Variants in USP6NL observed in about 807,000 individuals in gnomAD.
USP6NL encodes USP6 N-terminal-like protein.
A neutral mutation model predicts 61.9 loss-of-function variants in USP6NL; 26 were observed. The ratio of observed to expected loss-of-function variants is 0.42; its 90% confidence interval spans 0.31 to 0.58. The LOEUF (loss-of-function observed/expected upper bound fraction) is 0.58. USP6NL is among the 20% of genes least tolerant of loss of function. USP6NL has a pLI of 0.16. For missense variants in USP6NL, 1,114 were observed against 1,034.3 expected (o/e 1.08, Z -1.06); for synonymous variants, 432 against 390.1 (o/e 1.11, Z -1.27).
At position 11,470,767 on chromosome 10, in the gene USP6NL, G is replaced by C. The variant is rs1194315413; in HGVS notation, c.1079-6918C>G. ...ACAGAAAACTATATATAGGCAATAA[G>C]CATTCCTATTTATTATCCACGCTTG... On this transcript the variant is annotated intron_variant, in intron 14 of 14. Transcript: ENST00000609104. The surrounding 1 kb of genome is among the most constrained non-coding windows in gnomAD (Gnocchi z 5.4). Among the ~76,000 whole-genome samples the C allele has an allele frequency of 6.6e-6, 1 of 152,178 alleles. No homozygotes were observed. Among genetic ancestry groups the C allele is most frequent in the Non-Finnish European group, 1.5e-5 (1 of 68,026 alleles).
rs1832698647 is a variant in USP6NL at position 11,470,617 on chromosome 10, T to A, written c.1079-6768A>T. Among the ~76,000 whole-genome samples the A allele has an allele frequency of 2.0e-5, 3 of 152,224 alleles. No individual in the cohort carries two copies. Among genetic ancestry groups the A allele is most frequent in the Admixed American group, 2.0e-4 (3 of 15,288 alleles). Reference sequence around the variant, plus strand: ...ATCTATTTTCAGAGCTATCTCAGCCTGCTTGAACTACCACCCCTAACCCCA... The same window carrying A: ...ATCTATTTTCAGAGCTATCTCAGCCAGCTTGAACTACCACCCCTAACCCCA... On this transcript the variant is annotated intron_variant, in intron 14 of 14. Transcript: ENST00000609104. The surrounding 1 kb of genome is among the most constrained non-coding windows in gnomAD (Gnocchi z 5.4).
chr10:11,462,802 C>A lies in USP6NL; in HGVS notation c.2126G>T (p.Gly709Val). The A allele has an allele frequency of 6.2e-7, 1 of 1,613,978 alleles. No individual in the cohort carries two copies. The highest frequency in any genetic ancestry group is 8.5e-7 in the Non-Finnish European group (1 of 1,179,900). Residue 709 changes from glycine to valine, a missense_variant, in exon 15 of 15, where the codon GGA becomes GTA. Transcript: ENST00000609104. ...TGGTGACCCTGAATTGCCCGAATATCCCCCAGCACCAGTGTCAACAGGGAG... is the reference window on the plus strand; with the variant it reads ...TGGTGACCCTGAATTGCCCGAATATACCCCAGCACCAGTGTCAACAGGGAG... ...EVLPVDTGAG[G>V]YSGNSGSPKN...
At position 11,519,584 on chromosome 10, in the gene USP6NL, C is replaced by T. The variant is rs527511014; in HGVS notation, c.156-1010G>A. On this transcript the variant is annotated intron_variant, in intron 4 of 14. Transcript: ENST00000609104. ...GGTGGAGGTTGCAGTGAGCTGAGAC[C>T]GCGCCATTGCACTCCACCCTGGGCA... Among the ~76,000 whole-genome samples the T allele has an allele frequency of 4.6e-5, 7 of 152,142 alleles. No homozygotes were observed. In the East Asian group the frequency reaches 1.4e-3, roughly 29 times the overall value.
In USP6NL at chr10:11,463,957, C is replaced by T. The variant is rs1566110114; in HGVS notation, c.1079-108G>A. Reference sequence around the variant, plus strand: ...TGCTTTTCATCTGTGCACAGATACACGCTGACATACAACACACTGTCATAC... The same window carrying T: ...TGCTTTTCATCTGTGCACAGATACATGCTGACATACAACACACTGTCATAC... On this transcript the variant is annotated intron_variant, in intron 14 of 14. Transcript: ENST00000609104. This position sits in a 1 kb window ranked among gnomAD's most constrained non-coding sequence, Gnocchi z 6.3. 15 of 1,007,474 alleles carry T rather than the reference C, an allele frequency of 1.5e-5. No individual in the cohort carries two copies. The South Asian group carries it at 2.3e-4, about 16-fold the overall frequency. The allele number at this position is 1,007,474 out of a possible 1,614,324, so 62.4% of individuals were successfully genotyped here.
rs1186473498 is a variant in USP6NL at position 11,501,248 on chromosome 10, A to G, written c.277-40T>C. Reference sequence around the variant, plus strand: ...AAGAAACTGAAGGTTACAAACTGAAAAAAACTTAGATTAGTCTCTACAGTT... The same window carrying G: ...AAGAAACTGAAGGTTACAAACTGAAGAAAACTTAGATTAGTCTCTACAGTT... On this transcript the variant is annotated intron_variant, in intron 6 of 14. Coordinates refer to ENST00000609104, the MANE Select transcript of USP6NL (RefSeq NM_014688.5). 2.0e-6 allele frequency: 3 copies of G among 1,497,560 alleles called. No individual in the cohort carries two copies. The African/African-American group carries it at 4.2e-5, about 21-fold the overall frequency. 92.8% of individuals were successfully genotyped at this position (1,497,560 alleles called of 1,614,324 possible). A position where few individuals can be genotyped will look rare whatever the true frequency, so the allele number is the denominator to read the frequency against.
In USP6NL at chr10:11,550,203, G is replaced by A. The variant is rs140241002; in HGVS notation, c.5-22636C>T. ...AGAAGAAAATATAGGAGATAATCTC[G>A]ATGATACTGGGTTAGCCAAATTTTT... On this transcript the variant is annotated intron_variant, in intron 2 of 14. Transcript: ENST00000609104. Among the ~76,000 whole-genome samples the A allele has an allele frequency of 3.5e-4, 54 of 152,212 alleles. No individual in the cohort carries two copies. The East Asian group carries it at 6.7e-3, about 19-fold the overall frequency.
intron 14 of USP6NL, among the ~76,000 whole-genome samples, chr10:11,467,446 T>G (rs928147521): frequency 6.6e-6 from 1 of 152,214 alleles, no homozygotes; most frequent in African/African-American, 2.4e-5. Flanking sequence ...GAATTTATCC[T>G]AAGACAATTA....
chr10:11,569,814 A>T (rs118158945), intron 2 of USP6NL, among the ~76,000 whole-genome samples: 3,270 of 152,344 alleles, frequency 0.021, 52 homozygotes, highest in Non-Finnish European at 0.036. Context: ...GCTATTTCAG[A>T]CAGCAATGGA....
At chr10:11,473,481 G>A (rs1566117126) in intron 14 of USP6NL, among the ~76,000 whole-genome samples, 1 of 152,200 alleles carries the variant, frequency 6.6e-6, no homozygotes, top group Admixed American at 6.5e-5. Flanking sequence ...CTTAAACCAA[G>A]TCGTGAAACT....
At chr10:11,584,376 C>A (rs573976590) in intron 2 of USP6NL, among the ~76,000 whole-genome samples, 1 of 152,194 alleles carries the variant, frequency 6.6e-6, no homozygotes, top group Non-Finnish European at 1.5e-5. Context: ...TATATAAACA[C>A]AGACGTCCCT....
chr10:11,463,372 A>C lies in USP6NL; in HGVS notation c.1556T>G (p.Val519Gly). The C allele has an allele frequency of 6.2e-7, 1 of 1,614,010 alleles. No individual in the cohort carries two copies. Among genetic ancestry groups the C allele is most frequent in the South Asian group, 1.1e-5 (1 of 91,086 alleles). Reference sequence around the variant, plus strand: ...CACCCGCACCTCGGCAGGACCTGGGACGGTAACTGCGAGCGCGGGGTGCGC... The same window carrying C: ...CACCCGCACCTCGGCAGGACCTGGGCCGGTAACTGCGAGCGCGGGGTGCGC... ...RAAHPALAVT[V>G]PGPAEVRVSN... The change falls in exon 15 of 15, where the codon GTC becomes GGC. Residue 519 changes from valine to glycine, a missense_variant. By Grantham distance (109) the Val-to-Gly change is moderately radical. Transcript: ENST00000609104. The surrounding 1 kb of genome is among the most constrained non-coding windows in gnomAD (Gnocchi z 6.3).
Position 11,561,575 on chromosome 10 carries a change from C to T in USP6NL, c.5-34008G>A, listed in dbSNP as rs1836931201. On this transcript the variant is annotated intron_variant, in intron 2 of 14. Coordinates refer to ENST00000609104, the MANE Select transcript of USP6NL (RefSeq NM_014688.5). The surrounding 1 kb of genome is among the most constrained non-coding windows in gnomAD (Gnocchi z 4.1). ...TAAATTAAGCTTACTCTTCTTAATA[C>T]TATTGTACTTCACTATATGGATTTG... Among the ~76,000 whole-genome samples, 3 of 152,188 alleles carry T rather than the reference C, an allele frequency of 2.0e-5. No individual in the cohort carries two copies. The highest frequency in any genetic ancestry group is 2.1e-4 in the South Asian group (1 of 4,828).
chr10:11,527,386 C>A (rs776184659), intron 3 of USP6NL, 114 bp downstream of exon 3: 13 of 853,024 alleles, frequency 1.5e-5, no homozygotes, highest in Non-Finnish European at 2.4e-5. Context: ...TCTATGTCCC[C>A]ATGAAGTTAA....
At chr10:11,488,323 C>A (rs182044037) in intron 10 of USP6NL, among the ~76,000 whole-genome samples, 5 of 152,096 alleles carry the variant, frequency 3.3e-5, no homozygotes, top group African/African-American at 1.2e-4. Context: ...GCTAATGAGG[C>A]GGGAGGATGG....
rs753805987 is a variant in USP6NL at position 11,468,441 on chromosome 10, G to A, written c.1079-4592C>T. Reference sequence around the variant, plus strand: ...TCTTTTTCACTGAAAACATGGAAGCGAAACACTACTGGACTACTGCCTACA... The same window carrying A: ...TCTTTTTCACTGAAAACATGGAAGCAAAACACTACTGGACTACTGCCTACA... On this transcript the variant is annotated intron_variant, in intron 14 of 14. Transcript: ENST00000609104. This position sits in a 1 kb window ranked among gnomAD's most constrained non-coding sequence, Gnocchi z 4.5. 3.9e-5 allele frequency among the ~76,000 whole-genome samples: 6 copies of A among 152,274 alleles called. No individual in the cohort carries two copies. The highest frequency in any genetic ancestry group is 2.1e-4 in the South Asian group (1 of 4,822).
intron 2 of USP6NL, among the ~76,000 whole-genome samples, chr10:11,531,525 C>T (rs887480773): frequency 1.3e-5 from 2 of 151,908 alleles, no homozygotes; most frequent in African/African-American, 4.8e-5. Context: ...ACCATGTTGG[C>T]CAGGCTGGTC....
In USP6NL at chr10:11,463,035, G is replaced by A. The variant is rs2096222938; in HGVS notation, c.1893C>T (p.Ser631=). 6.2e-7 allele frequency: 1 copy of A among 1,613,870 alleles called. No homozygotes were observed. Among genetic ancestry groups the A allele is most frequent in the South Asian group, 1.1e-5 (1 of 91,094 alleles). The change falls in exon 15 of 15, where the codon TCC becomes TCT. Residue 631 remains serine, a synonymous_variant. Coordinates refer to ENST00000609104, the MANE Select transcript of USP6NL (RefSeq NM_014688.5). The surrounding 1 kb of genome is among the most constrained non-coding windows in gnomAD (Gnocchi z 6.3). ...CGTGGTAAACGGGGGGATTGCTGTA[G>A]GAGGGGGGATGAGCTAGCCCTCGGG... The part of the protein sequence containing the change: ...GEARGLAHPP[S]YSNPPVYHGN...
chr10:11,524,459 C>G (rs1835341708), intron 4 of USP6NL, among the ~76,000 whole-genome samples: 1 of 152,090 alleles, frequency 6.6e-6, no homozygotes, highest in Non-Finnish European at 1.5e-5. Context: ...ACAAGAAGAG[C>G]ACATATTCTC....
Position 11,490,753 on chromosome 10 carries a change from T to C in USP6NL, c.543+79A>G. The C allele has an allele frequency of 7.2e-7, 1 of 1,385,586 alleles. No individual in the cohort carries two copies. The highest frequency in any genetic ancestry group is 9.8e-7 in the Non-Finnish European group (1 of 1,016,354). The allele number at this position is 1,385,586 out of a possible 1,614,324, so 85.8% of individuals were successfully genotyped here. A position where few individuals can be genotyped will look rare whatever the true frequency, so the allele number is the denominator to read the frequency against. ...ACCACCTAGCTCTGAGATGCAGAAA[T>C]GTGCCCACAGGGCCCTGCTAAGTAG... On this transcript the variant is annotated intron_variant, in intron 9 of 14. Coordinates refer to ENST00000609104, the MANE Select transcript of USP6NL (RefSeq NM_014688.5). The surrounding 1 kb of genome is among the most constrained non-coding windows in gnomAD (Gnocchi z 4.5).
Sources: gnomAD v4.1 joint callset for allele counts (sites outside exome capture counted in the v4.1 genomes callset) on GRCh38, gnomAD v4.1.1 for gene constraint, Gnocchi (gnomAD v3.1) non-coding constraint, MANE v1.5 for transcripts, NCBI Gene and HGNC (gene_info 2026-07-23, HGNC 2026-07-21) for gene names.